DNAH2: variants seen among roughly 807,000 people sequenced by gnomAD.
DNAH2 encodes the protein dynein axonemal heavy chain 2, also known as axonemal beta dynein heavy chain 2.
In DNAH2, 323 loss-of-function variants were observed where a neutral mutation model predicts 523.5. The ratio of observed to expected loss-of-function variants is 0.62; its 90% CI spans 0.56 to 0.68. DNAH2 has a LOEUF of 0.68. Ranked by LOEUF, DNAH2 falls within the 30% of genes least tolerant of loss-of-function variation. The pLI, the probability that DNAH2 is intolerant of heterozygous loss-of-function variation, is 0.00. For missense variants in DNAH2, 4,907 were observed against 5,701.5 expected, an observed-to-expected ratio of 0.86 and a Z score of 4.49; for synonymous variants, 2,093 against 2,177.4, an observed-to-expected ratio of 0.96 and a Z score of 1.08.
chr17:7,797,623 T>C, intron 52 of DNAH2, 57 bp from the exon 53 acceptor site: 1 of 1,613,832 alleles, frequency 6.2e-7, no homozygotes, highest in South Asian at 1.1e-5. Flanking sequence ...TGTGGAGCCC[T>C]GTGGGGGGAG....
At chr17:7,756,994 A>G in intron 12 of DNAH2, 97 bp from the exon 13 acceptor site, 2 of 1,546,982 alleles carry the variant, frequency 1.3e-6, no homozygotes, top group Non-Finnish European at 1.8e-6. Context: ...TCATCTCGAC[A>G]TTTCCCTGTG....
Position 7,817,792 on chromosome 17 carries a change from G to A in DNAH2, c.10172G>A (p.Trp3391Ter). 2.5e-6 allele frequency: 4 copies of A among 1,614,040 alleles called. No homozygotes were observed. The highest frequency in any genetic ancestry group is 3.4e-6 in the Non-Finnish European group (4 of 1,180,000). The change falls in exon 67 of 86, where the codon TGG becomes TAG. Residue 3391 changes from tryptophan (W) to a stop codon, truncating the protein, a stop_gained and splice_region_variant. Transcript: ENST00000572933. LOFTEE classifies it high-confidence loss of function. ...TCTGACCTGTACTCCCCTTCCAGGTGGGCACTGATGATCGACCCTCAGGCC... is the reference window on the plus strand; with the variant it reads ...TCTGACCTGTACTCCCCTTCCAGGTAGGCACTGATGATCGACCCTCAGGCC... ...NGIIVTRGNR[W>*]ALMIDPQAQA...
In DNAH2 at chr17:7,759,454, G is replaced by T. The variant is rs764247044; in HGVS notation, c.2481G>T (p.Arg827=). The T allele has an allele frequency of 6.2e-7, 1 of 1,613,940 alleles. No individual in the cohort carries two copies. Among genetic ancestry groups the T allele is most frequent in the Admixed American group, 1.7e-5 (1 of 59,988 alleles). The change falls in exon 16 of 86, where the codon CGG becomes CGT. Residue 827 remains arginine (R), a synonymous_variant. Coordinates refer to ENST00000572933, the MANE Select transcript of DNAH2 (RefSeq NM_020877.5). ...AGCAGTGGATGCTGTACATGATTCGGCTGGACCGCATGATGGAGGATGCCC... is the reference window on the plus strand; with the variant it reads ...AGCAGTGGATGCTGTACATGATTCGTCTGGACCGCATGATGGAGGATGCCC... ...IQQQWMLYMI[R]LDRMMEDALR...
chr17:7,801,486 T>C lies in DNAH2; in HGVS notation c.8700-92T>C, dbSNP rs1384036642. On this transcript the variant is annotated intron_variant, in intron 56 of 85. Transcript: ENST00000572933. ...AGCAAGGGGATGGGGCATTTTAGGTTCTTAGAAAGTGAGTGGATGCGTGTT... is the reference window on the plus strand; with the variant it reads ...AGCAAGGGGATGGGGCATTTTAGGTCCTTAGAAAGTGAGTGGATGCGTGTT... 3.8e-6 allele frequency: 6 copies of C among 1,566,910 alleles called. No individual in the cohort carries two copies. In the Admixed American group the frequency reaches 1.0e-4, roughly 27 times the overall value.
chr17:7,743,277 A>G lies in DNAH2; in HGVS notation c.1904+135A>G, dbSNP rs1367436392. The G allele has an allele frequency of 3.9e-6, 4 of 1,026,774 alleles. No individual in the cohort carries two copies. The East Asian group carries it at 7.8e-5, about 20-fold the overall frequency. 63.6% of individuals were successfully genotyped at this position (1,026,774 alleles called of 1,614,324 possible). A position where few individuals can be genotyped will look rare whatever the true frequency, so the allele number is the denominator to read the frequency against. On this transcript the variant is annotated intron_variant, in intron 12 of 85. Coordinates refer to ENST00000572933, the MANE Select transcript of DNAH2 (RefSeq NM_020877.5). ...ACAATATGTTTGCTATCGTCATTTT[A>G]CTTTTTTTTTTCTTCTTTTATTTTT...
At chr17:7,737,375 T>A in intron 8 of DNAH2, 117 bp downstream of exon 8, 1 of 1,131,762 alleles carries the variant, frequency 8.8e-7, no homozygotes, top group African/African-American at 1.5e-5. Flanking sequence ...AGATTGCCCT[T>A]CTGCTCAGAG....
chr17:7,767,644 C>T (rs112757110), intron 22 of DNAH2, among the ~76,000 whole-genome samples: 49 of 148,750 alleles, frequency 3.3e-4, no homozygotes, highest in African/African-American at 1.2e-3. Flanking sequence ...GCCATCCTAG[C>T]GGGTGTGAAG....
intron 12 of DNAH2, among the ~76,000 whole-genome samples, chr17:7,749,165 G>T (rs932514356): frequency 6.6e-6 from 1 of 150,582 alleles, no homozygotes; most frequent in Non-Finnish European, 1.5e-5. Context: ...AAAATTAGCC[G>T]GGCATGGTGG....
At chr17:7,795,178 A>AT (rs1437395034) in intron 49 of DNAH2, among the ~76,000 whole-genome samples, 1 of 152,146 alleles carries the variant, frequency 6.6e-6, no homozygotes, top group Non-Finnish European at 1.5e-5. Context: ...GTAATGCAAT[A>AT]TTTTTTAAAA....
intron 18 of DNAH2, among the ~76,000 whole-genome samples, chr17:7,761,411 G>C (rs1013827583): frequency 6.6e-6 from 1 of 152,046 alleles, no homozygotes; most frequent in East Asian, 1.9e-4. Flanking sequence ...GGGACCACAG[G>C]CACATGCCAC....
At position 7,831,000 on chromosome 17, in the gene DNAH2, T is replaced by A. The variant is rs866426569; in HGVS notation, c.12231-86T>A. The A allele has an allele frequency of 1.7e-5, 25 of 1,513,726 alleles. No homozygotes were observed. In the Middle Eastern group the frequency reaches 2.7e-3, roughly 162 times the overall value. 93.8% of individuals were successfully genotyped at this position (1,513,726 alleles called of 1,614,324 possible). On this transcript the variant is annotated intron_variant, in intron 79 of 85. Transcript: ENST00000572933. ...GGAGCAGGGCAGGGAGCTGGACAAA[T>A]TGGACATGCATAGGTTTGGGGTCTT... is the stretch of plus-strand genomic sequence containing the variant.
chr17:7,750,103 C>G (rs1054695611), intron 12 of DNAH2, among the ~76,000 whole-genome samples: 1 of 151,968 alleles, frequency 6.6e-6, no homozygotes, highest in African/African-American at 2.4e-5. Flanking sequence ...CAGGTTCAAG[C>G]GATTCTCCTA....
chr17:7,779,185 G>T, intron 35 of DNAH2, 58 bp from the exon 36 acceptor site: 1 of 1,589,044 alleles, frequency 6.3e-7, no homozygotes, highest in East Asian at 2.3e-5. Context: ...CGTTAATCAC[G>T]CTTTCTAGCC....
At chr17:7,773,385 T>C (rs8066124) in intron 28 of DNAH2, among the ~76,000 whole-genome samples, 51,323 of 151,916 alleles carry the variant, frequency 0.34, 9,135 homozygotes, top group Admixed American at 0.42. Flanking sequence ...AAGTTCTTCC[T>C]CCAGCCCTTC....
intron 50 of DNAH2, among the ~76,000 whole-genome samples, chr17:7,796,935 CA>C (rs370280901): frequency 0.012 from 1,341 of 116,148 alleles, 17 homozygotes; most frequent in African/African-American, 0.035. Flanking sequence ...ATTAAAAATA[CA>C]AAAAAAAAAA....
At chr17:7,788,915 A>G (rs1356867685) in intron 44 of DNAH2, among the ~76,000 whole-genome samples, 1 of 152,236 alleles carries the variant, frequency 6.6e-6, no homozygotes, top group Non-Finnish European at 1.5e-5. Context: ...CTGTAATCCC[A>G]GCACTTTGGG....
At position 7,797,944 on chromosome 17, in the gene DNAH2, C is replaced by T. The variant is rs1038119494; in HGVS notation, c.8230+115C>T. The T allele has an allele frequency of 2.7e-6, 4 of 1,460,948 alleles. No individual in the cohort carries two copies. In the African/African-American group the frequency reaches 5.7e-5, roughly 21 times the overall value. 90.5% of individuals were successfully genotyped at this position (1,460,948 alleles called of 1,614,324 possible). ...ATCAAGTTCCAGAAGCTGCCTTTCT[C>T]CCTGGCCCCAGATGCCCTGTGGCAG... On this transcript the variant is annotated intron_variant, in intron 53 of 85. Coordinates refer to ENST00000572933, the MANE Select transcript of DNAH2 (RefSeq NM_020877.5).
rs747859512 is a variant in DNAH2 at position 7,798,221 on chromosome 17, C to T, written c.8295C>T (p.Gly2765=). ...RGNMLLVGIG[G]SGRQSLARLA... ...ACATGCTCCTGGTGGGTATCGGGGG[C>T]AGCGGACGCCAGAGTCTGGCCCGCC... Residue 2765 remains glycine (G), a synonymous_variant, in exon 54 of 86, where the codon GGC becomes GGT. Transcript: ENST00000572933. This position sits in a 1 kb window ranked among gnomAD's most constrained non-coding sequence, Gnocchi z 5.5. 1 of 1,613,586 alleles carries T rather than the reference C, an allele frequency of 6.2e-7. No individual in the cohort carries two copies. The highest frequency in any genetic ancestry group is 8.5e-7 in the Non-Finnish European group (1 of 1,179,606).
chr17:7,764,782 CTTTTTTTT>C (rs59188289), intron 20 of DNAH2, among the ~76,000 whole-genome samples: 7 of 49,494 alleles, frequency 1.4e-4, no homozygotes, highest in South Asian at 1.5e-3. Flanking sequence ...ACTGTATTTA[CTTTTTTTT>C]TTTTTTTTTT....
Sources: gnomAD v4.1 joint callset for allele counts (sites outside exome capture counted in the v4.1 genomes callset) on GRCh38, gnomAD v4.1.1 for gene constraint, Gnocchi (gnomAD v3.1) non-coding constraint, MANE v1.5 for transcripts, NCBI Gene and HGNC (gene_info 2026-07-23, HGNC 2026-07-21) for gene names.